The following RARB variants were observed in gnomAD, a reference collection of about 807,000 sequenced individuals.
RARB encodes retinoic acid receptor beta, also known as HBV-activated protein.
In RARB, 17 loss-of-function variants were observed where a neutral mutation model predicts 51.9. That is an observed-to-expected ratio of 0.33 (90% CI 0.22 to 0.49). The LOEUF is 0.49. Ranked by LOEUF, RARB falls within the 20% of genes least tolerant of loss-of-function variation. The probability of loss-of-function intolerance (pLI) is 0.99; values close to 1 mark genes in which losing one functional copy is unlikely to be tolerated. For synonymous variants in RARB, 215 were observed against 195.4 expected (o/e 1.10, Z -0.84); for missense variants, 369 against 550.8 (o/e 0.67, Z 3.30).
intron 5 of RARB, among the ~76,000 whole-genome samples, chr3:25,273,076 C>A (rs1270287204): frequency 6.6e-6 from 1 of 152,114 alleles, no homozygotes; most frequent in Non-Finnish European, 1.5e-5. Flanking sequence ...CATAGATAGC[C>A]CTGAGCCTAC....
At chr3:25,265,468 C>T (rs1226510763) in intron 5 of RARB, among the ~76,000 whole-genome samples, 1 of 152,080 alleles carries the variant, frequency 6.6e-6, no homozygotes, top group African/African-American at 2.4e-5. Context: ...GCTTAAACCA[C>T]ATATTTTTGT....
At chr3:25,552,169 T>C (rs1699877865) in intron 3 of RARB, among the ~76,000 whole-genome samples, 1 of 152,110 alleles carries the variant, frequency 6.6e-6, no homozygotes, top group Admixed American at 6.6e-5. Context: ...GACTGTGTGA[T>C]TAAAAATGGC....
At chr3:24,845,984 CTTA>C in intron 1 of RARB, among the ~76,000 whole-genome samples, 1 of 152,284 alleles carries the variant, frequency 6.6e-6, no homozygotes, top group Non-Finnish European at 1.5e-5. Context: ...AGGCAGAGTG[CTTA>C]TTATTATTCC....
At chr3:25,544,556 A>G (rs763202391) in intron 3 of RARB, among the ~76,000 whole-genome samples, 6 of 152,310 alleles carry the variant, frequency 3.9e-5, no homozygotes, top group Admixed American at 1.3e-4. Flanking sequence ...ACTGATGTTT[A>G]GCTGAACACA....
At chr3:25,564,018 T>G (rs1336799542) in intron 3 of RARB, among the ~76,000 whole-genome samples, 2 of 151,654 alleles carry the variant, frequency 1.3e-5, no homozygotes, top group African/African-American at 4.9e-5. Context: ...TGAATCCAAG[T>G]GAATCTACAT....
rs1700417292 is a variant in RARB at position 25,158,694 on chromosome 3, C to G, written c.-279-15425C>G. Among the ~76,000 whole-genome samples the G allele has an allele frequency of 3.9e-5, 6 of 152,074 alleles. 1 individual carries two copies. The South Asian group carries it at 1.0e-3, about 26-fold the overall frequency. ...TTATGTAATTAATGACTTTATTTGT[C>G]CAGTTATAACATAGATCTGCACATT... On this transcript the variant is annotated intron_variant, in intron 4 of 11. Transcript: ENST00000383772.
At chr3:25,465,049 T>TA (rs1334685330) in intron 2 of RARB, among the ~76,000 whole-genome samples, 2 of 152,238 alleles carry the variant, frequency 1.3e-5, no homozygotes, top group Non-Finnish European at 2.9e-5. Flanking sequence ...TTCCTTAGGA[T>TA]AAAATTTTCC....
At chr3:25,228,315 T>C (rs1294538898) in intron 5 of RARB, among the ~76,000 whole-genome samples, 2 of 151,584 alleles carry the variant, frequency 1.3e-5, no homozygotes, top group African/African-American at 4.8e-5. Flanking sequence ...CTTTCATTGA[T>C]TTTTAGTTTC....
intron 5 of RARB, among the ~76,000 whole-genome samples, chr3:25,350,443 G>C (rs1705527807): frequency 6.6e-6 from 1 of 152,206 alleles, no homozygotes; most frequent in Non-Finnish European, 1.5e-5. Flanking sequence ...AATTGTTGGA[G>C]TGCAAGGACA....
At chr3:25,081,136 G>T (rs1698986002) in intron 3 of RARB, among the ~76,000 whole-genome samples, 1 of 152,026 alleles carries the variant, frequency 6.6e-6, no homozygotes, top group Non-Finnish European at 1.5e-5. Context: ...TCACAAGATT[G>T]GGTACATTGA....
chr3:25,107,056 A>G (rs971522104), intron 3 of RARB, among the ~76,000 whole-genome samples: 5 of 152,064 alleles, frequency 3.3e-5, no homozygotes, highest in African/African-American at 1.2e-4. Context: ...AAGCACCACT[A>G]TACCCAGCTA....
chr3:24,860,922 A>G (rs1190268523), intron 2 of RARB, among the ~76,000 whole-genome samples: 1 of 152,190 alleles, frequency 6.6e-6, no homozygotes, highest in African/African-American at 2.4e-5. Flanking sequence ...TTTGTTTGCT[A>G]GGAGCAATAG....
intron 5 of RARB, among the ~76,000 whole-genome samples, chr3:25,277,612 G>A (rs183044097): frequency 3.2e-4 from 49 of 152,276 alleles, no homozygotes; most frequent in African/African-American, 1.0e-3. Flanking sequence ...TTATAGTTGT[G>A]TGTCCTTCCT....
At chr3:24,953,073 T>C (rs1205776001) in intron 2 of RARB, among the ~76,000 whole-genome samples, 2 of 152,160 alleles carry the variant, frequency 1.3e-5, no homozygotes, top group African/African-American at 4.8e-5. Context: ...TGTTATATCT[T>C]CTAGGGAGAG....
At chr3:25,570,420 G>T (rs1700664140) in intron 4 of RARB, among the ~76,000 whole-genome samples, 1 of 152,190 alleles carries the variant, frequency 6.6e-6, no homozygotes, top group African/African-American at 2.4e-5. Flanking sequence ...GCCAAGGTTT[G>T]CCTTCTGTGA....
chr3:25,012,083 T>C (rs1479375899), intron 2 of RARB, among the ~76,000 whole-genome samples: 2 of 152,004 alleles, frequency 1.3e-5, no homozygotes, highest in African/African-American at 4.8e-5. Context: ...GTGGGGAAAA[T>C]AGTAATTAAG....
intron 5 of RARB, among the ~76,000 whole-genome samples, chr3:25,362,977 A>C (rs904249096): frequency 2.6e-5 from 4 of 152,168 alleles, no homozygotes; most frequent in Non-Finnish European, 5.9e-5. Context: ...GTAAGAAAAA[A>C]AGTTATTACT....
chr3:25,500,454 G>GTTTTTTTTTTTTTTTTTTT lies in RARB; in HGVS notation c.307-719_307-701dup, dbSNP rs753321842. 1.9e-3 allele frequency among the ~76,000 whole-genome samples: 127 copies of GTTTTTTTTTTTTTTTTTTT among 66,132 alleles called. 6 individuals carry two copies. The highest frequency in any genetic ancestry group is 5.0e-3 in the East Asian group (8 of 1,610). 43.4% of individuals were successfully genotyped at this position (66,132 alleles called of 152,430 possible). A position where few individuals can be genotyped will look rare whatever the true frequency, so the allele number is the denominator to read the frequency against. On this transcript the variant is annotated intron_variant, in intron 2 of 7. Transcript: ENST00000330688. ...ATAATTTCTTTTTCTTTCTTTTCTT[G>GTTTTTTTTTTTTTTTTTTT]TTTTTTTTTTTTTTTTTTTTTTTTT...
intron 2 of RARB, among the ~76,000 whole-genome samples, chr3:24,942,503 A>C (rs4858666): frequency 0.042 from 6,323 of 152,266 alleles, 264 homozygotes; most frequent in East Asian, 0.17. Context: ...ATGAAGTTTT[A>C]AAATAGAGAA....
Sources: allele counts gnomAD v4.1 joint callset (sites outside exome capture counted in the v4.1 genomes callset), GRCh38; gene constraint gnomAD v4.1.1; transcripts MANE v1.5; gene names NCBI Gene and HGNC (gene_info 2026-07-23, HGNC 2026-07-21).